The following GRM1 variants were observed in gnomAD, a reference collection of about 807,000 sequenced individuals.
GRM1 encodes the protein glutamate metabotropic receptor 1, also known as metabotropic glutamate receptor 1.
A neutral mutation model predicts 90.9 loss-of-function variants in GRM1; 33 were observed. That is an observed-to-expected ratio of 0.36 (90% CI 0.28 to 0.49). GRM1 has a LOEUF of 0.49. Ranked by LOEUF, GRM1 falls within the 20% of genes least tolerant of loss-of-function variation. The pLI, the probability that GRM1 is intolerant of heterozygous loss-of-function variation, is 0.99. For missense variants in GRM1, 1,190 were observed against 1,534.3 expected, an observed-to-expected ratio of 0.78 and a Z score of 3.75; for synonymous variants, 700 against 613.2, an observed-to-expected ratio of 1.14 and a Z score of -2.09.
chr6:146,359,604 A>C (rs923558149), intron 5 of GRM1, among the ~76,000 whole-genome samples: 29 of 152,172 alleles, frequency 1.9e-4, no homozygotes, highest in African/African-American at 7.0e-4. Flanking sequence ...ACAATTCCTT[A>C]CTGTTACTCT....
At chr6:146,333,906 A>T (rs1031675288) in intron 3 of GRM1, among the ~76,000 whole-genome samples, 2 of 152,208 alleles carry the variant, frequency 1.3e-5, no homozygotes, top group Non-Finnish European at 2.9e-5. Flanking sequence ...AAAGGAAAAA[A>T]AAATGATGAA....
intron 1 of GRM1, among the ~76,000 whole-genome samples, chr6:146,072,924 A>G (rs1776061465): frequency 6.6e-6 from 1 of 152,014 alleles, no homozygotes; most frequent in Non-Finnish European, 1.5e-5. Flanking sequence ...CTGCCAACCA[A>G]ATTACTATTT....
chr6:146,112,730 T>C (rs142414054), intron 1 of GRM1, among the ~76,000 whole-genome samples: 431 of 152,300 alleles, frequency 2.8e-3, no homozygotes, highest in African/African-American at 0.01. Flanking sequence ...TGTCTGCTGT[T>C]TGGAATTAGA....
chr6:146,366,891 G>A (rs1775710734), intron 5 of GRM1, among the ~76,000 whole-genome samples: 1 of 152,074 alleles, frequency 6.6e-6, no homozygotes, highest in Non-Finnish European at 1.5e-5. Flanking sequence ...CTGTGAAGGA[G>A]CTTTTTAGCT....
intron 1 of GRM1, among the ~76,000 whole-genome samples, chr6:146,093,932 T>C (rs544612728): frequency 1.8e-4 from 27 of 152,228 alleles, no homozygotes; most frequent in African/African-American, 6.0e-4. Flanking sequence ...TCAGAGTTCA[T>C]ATCATATCAG....
intron 5 of GRM1, among the ~76,000 whole-genome samples, chr6:146,385,126 T>C (rs1776455827): frequency 6.6e-6 from 1 of 151,872 alleles, no homozygotes; most frequent in Admixed American, 6.6e-5. Flanking sequence ...GTAATGAAAA[T>C]GTAAGCCCAA....
intron 1 of GRM1, among the ~76,000 whole-genome samples, chr6:146,052,322 T>C (rs1464753903): frequency 6.6e-6 from 1 of 152,036 alleles, no homozygotes; most frequent in East Asian, 1.9e-4. Flanking sequence ...TTTTTTAATT[T>C]TTGTTTAGGG....
At position 146,352,600 on chromosome 6, in the gene GRM1, G is replaced by A. The variant is rs362876; in HGVS notation, c.1433+104G>A. The A allele has an allele frequency of 8.4e-3, 9,700 of 1,156,186 alleles. 503 individuals carry two copies. The African/African-American group carries it at 0.12, about 15-fold the overall frequency. 71.6% of individuals were successfully genotyped at this position (1,156,186 alleles called of 1,614,324 possible). A position where few individuals can be genotyped will look rare whatever the true frequency, so the allele number is the denominator to read the frequency against. On this transcript the variant is annotated intron_variant, in intron 4 of 7. Transcript: ENST00000282753. The stretch of plus-strand genomic sequence containing the variant: ...GTTCCATGGTTTCTGGGTGCCATGA[G>A]GATAGATACAACTAGGTAGCAAAAA...
At chr6:146,362,222 G>T (rs1055081569) in intron 5 of GRM1, among the ~76,000 whole-genome samples, 6 of 152,188 alleles carry the variant, frequency 3.9e-5, no homozygotes, top group African/African-American at 7.2e-5. Flanking sequence ...AATCATGACA[G>T]AATTCTGGAG....
intron 1 of GRM1, among the ~76,000 whole-genome samples, chr6:146,137,559 T>A (rs1776671107): frequency 6.6e-6 from 1 of 152,198 alleles, no homozygotes; most frequent in African/African-American, 2.4e-5. Context: ...CTGTTTTGAT[T>A]ACTATATTTT....
intron 1 of GRM1, among the ~76,000 whole-genome samples, chr6:146,144,688 T>C (rs1053993601): frequency 6.6e-6 from 1 of 152,170 alleles, no homozygotes; most frequent in Non-Finnish European, 1.5e-5. Context: ...AATGTGGAAG[T>C]GGCTTTAGAA....
intron 1 of GRM1, among the ~76,000 whole-genome samples, chr6:146,080,361 T>G (rs1463997078): frequency 6.6e-6 from 1 of 152,204 alleles, no homozygotes; most frequent in Non-Finnish European, 1.5e-5. Context: ...AATGAAGGGA[T>G]GATACTACAA....
At chr6:146,357,793 T>A (rs362893) in intron 5 of GRM1, 99 bp downstream of exon 5, 1 of 964,218 alleles carries the variant, frequency 1.0e-6, no homozygotes, top group Non-Finnish European at 1.6e-6. Context: ...CATAACTGTC[T>A]AGAAAGGGTG....
chr6:146,113,855 A>C (rs1775649149), intron 1 of GRM1, among the ~76,000 whole-genome samples: 1 of 152,170 alleles, frequency 6.6e-6, no homozygotes, highest in East Asian at 1.9e-4. Flanking sequence ...GGGTGAGTTC[A>C]TGGCTGTTTG....
At chr6:146,122,154 C>G (rs1776014177) in intron 1 of GRM1, among the ~76,000 whole-genome samples, 1 of 152,132 alleles carries the variant, frequency 6.6e-6, no homozygotes. Flanking sequence ...TATTTTTTAA[C>G]TTAAATAATT....
At chr6:146,213,505 A>G (rs1373246902) in intron 2 of GRM1, among the ~76,000 whole-genome samples, 2 of 152,150 alleles carry the variant, frequency 1.3e-5, no homozygotes, top group African/African-American at 4.8e-5. Flanking sequence ...GGATGTTTCA[A>G]TTTTACACAT....
chr6:146,266,986 A>G (rs1384746434), intron 2 of GRM1, among the ~76,000 whole-genome samples: 1 of 152,228 alleles, frequency 6.6e-6, no homozygotes, highest in Non-Finnish European at 1.5e-5. Flanking sequence ...AGATCATCCC[A>G]TCACCTAGGT....
intron 3 of GRM1, among the ~76,000 whole-genome samples, chr6:146,323,509 A>G (rs1241470344): frequency 6.6e-6 from 1 of 152,102 alleles, no homozygotes; most frequent in Non-Finnish European, 1.5e-5. Flanking sequence ...TCAGATGAGT[A>G]GGTTGCAAAA....
At chr6:146,388,725 G>A (rs1426329897) in intron 6 of GRM1, among the ~76,000 whole-genome samples, 1 of 151,978 alleles carries the variant, frequency 6.6e-6, no homozygotes, top group Non-Finnish European at 1.5e-5. Flanking sequence ...CTTTGCTCCC[G>A]CTGGAGTGGA....
Sources: allele counts gnomAD v4.1 joint callset (sites outside exome capture counted in the v4.1 genomes callset), GRCh38; gene constraint gnomAD v4.1.1; transcripts MANE v1.5; gene names NCBI Gene and HGNC (gene_info 2026-07-23, HGNC 2026-07-21).